The following SEMA6D variants were observed in gnomAD, a reference collection of about 807,000 sequenced individuals.
The protein encoded by SEMA6D is semaphorin-6D.
SEMA6D carries 35 observed loss-of-function variants against 106.6 expected under a neutral mutation model. That is an observed-to-expected ratio of 0.33 (90% CI 0.25 to 0.44). The LOEUF (loss-of-function observed/expected upper bound fraction) is 0.44. Among genes scored for constraint, SEMA6D ranks in the 20% least tolerant of loss-of-function variants. The pLI, the probability that SEMA6D is intolerant of heterozygous loss-of-function variation, is 1.00. For synonymous variants in SEMA6D, 499 were observed against 487.7 expected (o/e 1.02, Z -0.31); for missense variants, 1,185 against 1,345.9 (o/e 0.88, Z 1.87).
intron 1 of SEMA6D, among the ~76,000 whole-genome samples, chr15:47,189,940 C>T (rs1893851391): frequency 6.6e-6 from 1 of 152,176 alleles, no homozygotes; most frequent in Non-Finnish European, 1.5e-5. Context: ...CTACTGACAT[C>T]TATGGTGTAT....
chr15:47,425,420 C>T (rs1018708345), intron 2 of SEMA6D, among the ~76,000 whole-genome samples: 1 of 151,950 alleles, frequency 6.6e-6, no homozygotes, highest in Non-Finnish European at 1.5e-5. Flanking sequence ...TCTAAGTGCT[C>T]AGCAAGCCAA....
At chr15:47,562,137 C>A (rs2046099280) in intron 3 of SEMA6D, among the ~76,000 whole-genome samples, 1 of 151,826 alleles carries the variant, frequency 6.6e-6, no homozygotes, top group Non-Finnish European at 1.5e-5. Flanking sequence ...AAGGAATATA[C>A]CCACACATAC....
At chr15:47,220,560 A>G (rs1243895871) in intron 1 of SEMA6D, among the ~76,000 whole-genome samples, 2 of 152,126 alleles carry the variant, frequency 1.3e-5, no homozygotes, top group Non-Finnish European at 2.9e-5. Flanking sequence ...ATGAGGGGGA[A>G]TGGGCTCACC....
chr15:47,440,113 G>C (rs1342245112), intron 2 of SEMA6D, among the ~76,000 whole-genome samples: 7 of 152,084 alleles, frequency 4.6e-5, no homozygotes, highest in Admixed American at 4.6e-4. Flanking sequence ...AATATGCCAA[G>C]ACAGTTGTGC....
chr15:47,287,971 T>C (rs1259545959), intron 1 of SEMA6D, among the ~76,000 whole-genome samples: 3 of 151,956 alleles, frequency 2.0e-5, no homozygotes, highest in Non-Finnish European at 4.4e-5. Flanking sequence ...GTTTTTCACA[T>C]GACAAAAGCA....
intron 1 of SEMA6D, among the ~76,000 whole-genome samples, chr15:47,205,432 A>C (rs1485868697): frequency 6.6e-6 from 1 of 152,178 alleles, no homozygotes; most frequent in Non-Finnish European, 1.5e-5. Flanking sequence ...TTAATCAATG[A>C]GTGAGTGAGA....
At chr15:47,521,465 T>C (rs537433035) in intron 3 of SEMA6D, among the ~76,000 whole-genome samples, 3 of 152,322 alleles carry the variant, frequency 2.0e-5, no homozygotes, top group South Asian at 4.1e-4. Context: ...CCACTTCTAC[T>C]TGCTGTGTGC....
rs532174330 is a variant in SEMA6D at position 47,668,331 on chromosome 15, T to C, written c.-55+67435T>C. ...CCAGTAGATCTAACACTGGAAAACA[T>C]TAAGACAAAAAACAGTCTGACCTAT... On this transcript the variant is annotated intron_variant, in intron 4 of 19. Coordinates refer to the SEMA6D transcript ENST00000558014. Among the ~76,000 whole-genome samples, 4 of 152,312 alleles carry C rather than the reference T, an allele frequency of 2.6e-5. No homozygotes were observed. In the South Asian group the frequency reaches 6.2e-4, roughly 24 times the overall value.
chr15:47,705,115 G>A (rs1193751338), intron 4 of SEMA6D, among the ~76,000 whole-genome samples: 1 of 152,114 alleles, frequency 6.6e-6, no homozygotes, highest in Non-Finnish European at 1.5e-5. Flanking sequence ...CACAGTTGAA[G>A]GCAATTACTT....
At chr15:47,717,501 C>T (rs1327512453), upstream of SEMA6D, 1 of 154,748 alleles carries the variant, frequency 6.5e-6, no homozygotes, top group East Asian at 1.9e-4. Flanking sequence ...TTTGCTCCTG[C>T]TCTGTCCCGC....
intron 3 of SEMA6D, among the ~76,000 whole-genome samples, chr15:47,577,633 A>G (rs1195644652): frequency 6.6e-6 from 1 of 152,124 alleles, no homozygotes; most frequent in African/African-American, 2.4e-5. Flanking sequence ...TCCAGGGAGG[A>G]TGGTGGGAGT....
rs544013897 is a variant in SEMA6D at position 47,694,683 on chromosome 15, T to C, written c.-54-65062T>C. Among the ~76,000 whole-genome samples the C allele has an allele frequency of 3.3e-5, 5 of 152,196 alleles. No individual in the cohort carries two copies. The South Asian group carries it at 1.0e-3, about 32-fold the overall frequency. On this transcript the variant is annotated intron_variant, in intron 4 of 19. Coordinates refer to the SEMA6D transcript ENST00000558014. Reference sequence around the variant, plus strand: ...AATATTTTTCCTAGGCTCACATGAATACAAACAACCCAGCTGTGAAAAGAT... The same window carrying C: ...AATATTTTTCCTAGGCTCACATGAACACAAACAACCCAGCTGTGAAAAGAT...
At position 47,767,058 on chromosome 15, in the gene SEMA6D, C is replaced by T. The variant is rs755520463; in HGVS notation, c.1730C>T (p.Thr577Ile). 2 of 1,570,728 alleles carry T rather than the reference C, an allele frequency of 1.3e-6. No individual in the cohort carries two copies. The highest frequency in any genetic ancestry group is 2.3e-5 in the East Asian group (1 of 42,960). Residue 577 changes from threonine (T) to isoleucine (I), a missense_variant, in exon 17 of 19, where the codon ACA becomes ATA. Coordinates refer to ENST00000536845, the MANE Select transcript of SEMA6D (RefSeq NM_001358351.3). ...TTAGAAATTTTGCCTACTTCAACTACACCAGATTACAAAATATTTGGCGGT... is the reference window on the plus strand; with the variant it reads ...TTAGAAATTTTGCCTACTTCAACTATACCAGATTACAAAATATTTGGCGGT... ...DCHEILPTST[T>I]PDYKIFGGPT...
chr15:47,259,290 A>G (rs1454107419), intron 1 of SEMA6D, among the ~76,000 whole-genome samples: 2 of 152,102 alleles, frequency 1.3e-5, no homozygotes, highest in African/African-American at 4.8e-5. Context: ...AGATACCTTT[A>G]TTTATGATTA....
intron 1 of SEMA6D, among the ~76,000 whole-genome samples, chr15:47,212,019 G>A (rs894189170): frequency 2.6e-5 from 4 of 152,148 alleles, no homozygotes; most frequent in African/African-American, 7.2e-5. Flanking sequence ...AGGAGATAAT[G>A]TTAAGGAGGC....
chr15:47,364,785 G>A (rs1242766577), intron 1 of SEMA6D, among the ~76,000 whole-genome samples: 1 of 140,516 alleles, frequency 7.1e-6, no homozygotes, highest in Non-Finnish European at 1.5e-5. Context: ...CCCCAACCCA[G>A]ATTCAGGACA....
chr15:47,206,671 C>T (rs953063659), intron 1 of SEMA6D, among the ~76,000 whole-genome samples: 2 of 152,084 alleles, frequency 1.3e-5, no homozygotes, highest in African/African-American at 4.8e-5. Context: ...ATGCATGGTT[C>T]TCGGGTGGTC....
At chr15:47,306,863 C>T (rs992833035) in intron 1 of SEMA6D, among the ~76,000 whole-genome samples, 12 of 152,226 alleles carry the variant, frequency 7.9e-5, no homozygotes, top group African/African-American at 2.9e-4. Flanking sequence ...ATATGCAACT[C>T]TTCAACTCAA....
chr15:47,548,456 G>A (rs1750563842), intron 3 of SEMA6D, among the ~76,000 whole-genome samples: 1 of 152,164 alleles, frequency 6.6e-6, no homozygotes, highest in African/African-American at 2.4e-5. Flanking sequence ...TATACAAAGT[G>A]TAGGCAAGGG....
Sources: allele counts gnomAD v4.1 joint callset (sites outside exome capture counted in the v4.1 genomes callset), GRCh38; gene constraint gnomAD v4.1.1; transcripts MANE v1.5; gene names NCBI Gene and HGNC (gene_info 2026-07-23, HGNC 2026-07-21).